Variants in IGF1R observed in about 807,000 individuals in gnomAD.
The protein encoded by IGF1R is insulin like growth factor 1 receptor, also known as insulin-like growth factor 1 receptor.
IGF1R carries 44 observed loss-of-function variants against 144.6 expected under a neutral mutation model. The observed-to-expected ratio is 0.30, with a 90% confidence interval of 0.24 to 0.39. The LOEUF (loss-of-function observed/expected upper bound fraction) is 0.39. IGF1R is among the 10% of genes least tolerant of loss of function. The pLI, the probability that IGF1R is intolerant of heterozygous loss-of-function variation, is 1.00. For synonymous variants in IGF1R, 795 were observed against 722.8 expected, an observed-to-expected ratio of 1.10 and a Z score of -1.60; for missense variants, 1,355 against 1,833.7, an observed-to-expected ratio of 0.74 and a Z score of 4.77.
intron 10 of IGF1R, among the ~76,000 whole-genome samples, chr15:98,920,205 C>T (rs564943794): frequency 5.9e-5 from 9 of 152,028 alleles, no homozygotes; most frequent in African/African-American, 2.2e-4. Context: ...TTTGGGCGTA[C>T]GATTTGGAAA....
At chr15:98,754,558 A>G (rs1256444256) in intron 2 of IGF1R, among the ~76,000 whole-genome samples, 1 of 152,194 alleles carries the variant, frequency 6.6e-6, no homozygotes, top group African/African-American at 2.4e-5. Flanking sequence ...CTCCAGGAAC[A>G]CTGAACAGGA....
intron 2 of IGF1R, among the ~76,000 whole-genome samples, chr15:98,830,181 T>C (rs2056974593): frequency 6.6e-6 from 1 of 152,224 alleles, no homozygotes. Flanking sequence ...CTGGACTGTC[T>C]TCTAGATTTC....
chr15:98,827,473 G>C lies in IGF1R; in HGVS notation c.641-63852G>C, dbSNP rs532605035. ...GATTTCATTCTAATGCTTATAAGGA[G>C]AGTTCTAGGAAACCCTCAGACTTGG... is the stretch of plus-strand genomic sequence containing the variant. On this transcript the variant is annotated intron_variant, in intron 2 of 20. Coordinates refer to ENST00000650285, the MANE Select transcript of IGF1R (RefSeq NM_000875.5). Among the ~76,000 whole-genome samples, 6 of 152,280 alleles carry C rather than the reference G, an allele frequency of 3.9e-5. No individual in the cohort carries two copies. In the East Asian group the frequency reaches 9.6e-4, roughly 24 times the overall value.
At chr15:98,823,161 A>C (rs1378436623) in intron 2 of IGF1R, among the ~76,000 whole-genome samples, 1 of 152,246 alleles carries the variant, frequency 6.6e-6, no homozygotes, top group Non-Finnish European at 1.5e-5. Context: ...TAAGAAACAC[A>C]AAGGACATTT....
intron 2 of IGF1R, among the ~76,000 whole-genome samples, chr15:98,722,574 A>G (rs1450723127): frequency 6.6e-6 from 1 of 152,144 alleles, no homozygotes; most frequent in Non-Finnish European, 1.5e-5. Context: ...TTTGGCTTAG[A>G]CATTATTTAT....
intron 2 of IGF1R, among the ~76,000 whole-genome samples, chr15:98,753,941 C>T (rs1310691768): frequency 1.3e-5 from 2 of 152,166 alleles, no homozygotes; most frequent in African/African-American, 4.8e-5. Context: ...TCTGTGCCCT[C>T]CCTCCTCTGG....
At chr15:98,740,004 A>G (rs907476916) in intron 2 of IGF1R, among the ~76,000 whole-genome samples, 1 of 152,196 alleles carries the variant, frequency 6.6e-6, no homozygotes, top group African/African-American at 2.4e-5. Context: ...ATGGAGGGGC[A>G]AGATTTCACC....
chr15:98,892,723 G>A lies in IGF1R; in HGVS notation c.953+1086G>A, dbSNP rs114571104. Among the ~76,000 whole-genome samples, 1,239 of 152,172 alleles carry A rather than the reference G, an allele frequency of 8.1e-3. 14 individuals carry two copies. The highest frequency in any genetic ancestry group is 0.029 in the African/African-American group (1,192 of 41,506). ...ATTTGGGGTTGCTGTTCCCTTTCCT[G>A]GAGCAGAGTAAAGAACTTTTAGGGG... On this transcript the variant is annotated intron_variant, in intron 3 of 20. Transcript: ENST00000650285.
At chr15:98,679,074 T>G (rs1423595892) in intron 1 of IGF1R, among the ~76,000 whole-genome samples, 2 of 152,100 alleles carry the variant, frequency 1.3e-5, no homozygotes, top group Non-Finnish European at 2.9e-5. Flanking sequence ...ACCTGGCTAA[T>G]TTTTAAATGT....
Position 98,796,202 on chromosome 15 carries a change from A to G in IGF1R, c.640+88095A>G, listed in dbSNP as rs552129267. ...TGTGCTGGGGGAATCCCATCACAGC[A>G]TGTGCTGGCGTTAGTAGTAGACTGT... is the stretch of plus-strand genomic sequence containing the variant. On this transcript the variant is annotated intron_variant, in intron 2 of 20. Coordinates refer to ENST00000650285, the MANE Select transcript of IGF1R (RefSeq NM_000875.5). Among the ~76,000 whole-genome samples the G allele has an allele frequency of 1.5e-3, 221 of 151,890 alleles. 2 individuals carry two copies. The highest frequency in any genetic ancestry group is 5.0e-3 in the African/African-American group (209 of 41,392).
intron 1 of IGF1R, among the ~76,000 whole-genome samples, chr15:98,674,083 T>C (rs1176132614): frequency 6.6e-6 from 1 of 152,222 alleles, no homozygotes; most frequent in East Asian, 1.9e-4. Flanking sequence ...ATCTGTGTCT[T>C]TAAAAGTCAT....
rs1191582086 is a variant in IGF1R, at chr15:98,888,438, AGTGT to A, written c.641-2862_641-2859del. On this transcript the variant is annotated intron_variant, in intron 2 of 20. Transcript: ENST00000650285. ...TGGGGGTTTGATGAGAGAGAGAGAG[AGTGT>A]GTGTGTGTGTGTGTGTGTGTGTGTT... 2.3e-3 allele frequency among the ~76,000 whole-genome samples: 336 copies of A among 143,456 alleles called. 1 individual carries two copies. The highest frequency in any genetic ancestry group is 7.6e-3 in the African/African-American group (295 of 38,780). The allele number at this position is 143,456 out of a possible 152,430, so 94.1% of individuals were successfully genotyped here. A position where few individuals can be genotyped will look rare whatever the true frequency, so the allele number is the denominator to read the frequency against.
intron 2 of IGF1R, among the ~76,000 whole-genome samples, chr15:98,860,757 TATTTC>T (rs56321179): frequency 0.075 from 11,430 of 152,236 alleles, 544 homozygotes; most frequent in East Asian, 0.14. Flanking sequence ...TTAATAGACT[TATTTC>T]AGTAAGAAGA....
At chr15:98,821,283 T>C (rs76860926) in intron 2 of IGF1R, among the ~76,000 whole-genome samples, 2,269 of 122,642 alleles carry the variant, frequency 0.019, 76 homozygotes, top group African/African-American at 0.076. Flanking sequence ...TAAACACGCC[T>C]CCCCCCCCCC....
At chr15:98,673,511 G>C (rs1233225719) in intron 1 of IGF1R, among the ~76,000 whole-genome samples, 1 of 152,164 alleles carries the variant, frequency 6.6e-6, no homozygotes, top group Non-Finnish European at 1.5e-5. Context: ...CTTTTTAGTT[G>C]TTTCATTTGC....
chr15:98,651,963 A>T (rs891963100), intron 1 of IGF1R, among the ~76,000 whole-genome samples: 1 of 152,236 alleles, frequency 6.6e-6, no homozygotes, highest in African/African-American at 2.4e-5. Flanking sequence ...TAACTCTGAT[A>T]GAAATAAGCT....
In IGF1R at chr15:98,964,083, A is replaced by G. The variant is rs1567230776; in HGVS notation, c.*6641A>G. Reference sequence around the variant, plus strand: ...TTTCTAAGCCAGTGAGGTTGAGGTGAGAGGTTTGCCAGAGTTTGTCTACCT... The same window carrying G: ...TTTCTAAGCCAGTGAGGTTGAGGTGGGAGGTTTGCCAGAGTTTGTCTACCT... On this transcript the variant is annotated 3_prime_UTR_variant, in exon 21 of 21. Coordinates refer to ENST00000650285, the MANE Select transcript of IGF1R (RefSeq NM_000875.5). 1 of 233,174 alleles carries G rather than the reference A, an allele frequency of 4.3e-6. No homozygotes were observed. Among genetic ancestry groups the G allele is most frequent in the African/African-American group, 2.2e-5 (1 of 45,332 alleles). The allele number at this position is 233,174 out of a possible 1,614,324, so 14.4% of individuals were successfully genotyped here.
intron 4 of IGF1R, chr15:98,897,307 A>T (rs1178877658): frequency 4.8e-6 from 1 of 210,030 alleles, no homozygotes; most frequent in Admixed American, 5.3e-5. Context: ...GAATTTACTG[A>T]GAAGACTGAG....
intron 1 of IGF1R, among the ~76,000 whole-genome samples, chr15:98,701,613 AC>A (rs1039224441): frequency 1.3e-5 from 2 of 152,140 alleles, no homozygotes; most frequent in Non-Finnish European, 1.5e-5. Context: ...TGCTGGTATT[AC>A]AGGCATGAGC....
Sources: allele counts gnomAD v4.1 joint callset (sites outside exome capture counted in the v4.1 genomes callset), GRCh38; gene constraint gnomAD v4.1.1; transcripts MANE v1.5; gene names NCBI Gene and HGNC (gene_info 2026-07-23, HGNC 2026-07-21).